Variants in DPH6 observed in about 807,000 individuals in gnomAD.
The protein encoded by DPH6 is diphthine--ammonia ligase.
A neutral mutation model predicts 38.2 loss-of-function variants in DPH6; 33 were observed. The ratio of observed to expected loss-of-function variants is 0.86; its 90% CI spans 0.65 to 1.15. The LOEUF (loss-of-function observed/expected upper bound fraction) is 1.15, where lower values mean the gene tolerates loss of function less well. Ranked by LOEUF, DPH6 falls within the 50% of genes most tolerant of loss-of-function variation. The probability of loss-of-function intolerance (pLI) is 0.00; values close to 1 mark genes in which losing one functional copy is unlikely to be tolerated. For missense variants in DPH6, 325 were observed against 320.0 expected (o/e 1.02, Z -0.12); for synonymous variants, 108 against 103.0 (o/e 1.05, Z -0.30).
chr15:35,435,410 G>A (rs574902823), intron 5 of DPH6, among the ~76,000 whole-genome samples: 7 of 152,342 alleles, frequency 4.6e-5, no homozygotes, highest in African/African-American at 1.4e-4. Context: ...GATAGATGCA[G>A]GAGGCAGAAA....
intron 3 of DPH6, among the ~76,000 whole-genome samples, chr15:35,230,893 C>G (rs2051512495): frequency 6.6e-6 from 1 of 152,206 alleles, no homozygotes; most frequent in Admixed American, 6.5e-5. Flanking sequence ...AAATAATGTC[C>G]TCCCCACTTT....
At chr15:35,173,654 G>A in the DPH6 span, among the ~76,000 whole-genome samples, 1 of 151,702 alleles carries the variant, frequency 6.6e-6, no homozygotes, top group Non-Finnish European at 1.5e-5. Flanking sequence ...AGTCTGTCCT[G>A]TATCTACTTC....
At chr15:35,332,181 AT>A (rs2140862817) in intron 3 of DPH6, among the ~76,000 whole-genome samples, 1 of 152,326 alleles carries the variant, frequency 6.6e-6, no homozygotes, top group African/African-American at 2.4e-5. Context: ...ATATCAGAAA[AT>A]AATTTATAAA....
intron 3 of DPH6, among the ~76,000 whole-genome samples, chr15:35,292,576 A>G (rs2051987326): frequency 6.6e-6 from 1 of 152,170 alleles, no homozygotes; most frequent in Non-Finnish European, 1.5e-5. Flanking sequence ...CCTTCATGAC[A>G]TGGAAGTAGG....
intron 3 of DPH6, among the ~76,000 whole-genome samples, chr15:35,526,456 C>T (rs753202652): frequency 3.3e-5 from 5 of 152,118 alleles, no homozygotes; most frequent in Non-Finnish European, 7.4e-5. Context: ...AATTGCTCAT[C>T]GAGCACCCAC....
At chr15:35,540,394 TAA>T (rs1436922470) in intron 2 of DPH6, among the ~76,000 whole-genome samples, 4 of 152,088 alleles carry the variant, frequency 2.6e-5, no homozygotes, top group African/African-American at 7.2e-5. Context: ...TGAAAACCCG[TAA>T]CTTTGCTGGA....
At chr15:35,366,039 GTCA>G (rs1364969211), downstream of DPH6, 5 of 981,126 alleles carry the variant, frequency 5.1e-6, no homozygotes, top group Non-Finnish European at 6.1e-6. Flanking sequence ...GCAAATAAAA[GTCA>G]TCATTTATCT....
chr15:35,387,323 G>A (rs1483231442), intron 6 of DPH6, among the ~76,000 whole-genome samples: 10 of 152,038 alleles, frequency 6.6e-5, no homozygotes, highest in African/African-American at 1.4e-4. Flanking sequence ...TTGGCAATGC[G>A]GGCTCTTTTT....
intron 1 of DPH6, among the ~76,000 whole-genome samples, chr15:35,542,945 A>ATATATATATATATATATAT (rs2055279056): frequency 1.3e-4 from 4 of 30,226 alleles, no homozygotes; most frequent in African/African-American, 3.3e-4. Flanking sequence ...CCACTTAAGG[A>ATATATATATATATATATAT]ATATATATAT....
In DPH6 at chr15:35,281,103, C is replaced by G. The variant is rs550622356; in HGVS notation, n.201-60521G>C. Among the ~76,000 whole-genome samples the G allele has an allele frequency of 6.6e-5, 10 of 152,028 alleles. No homozygotes were observed. In the South Asian group the frequency reaches 1.5e-3, roughly 22 times the overall value. ...ATATCTCCTAATGCTATCTCTCCCC[C>G]CTCCCCCCACAAATATGATATTAAA... On this transcript the variant is annotated intron_variant and non_coding_transcript_variant, in intron 3 of 3. Coordinates refer to the DPH6 transcript ENST00000560386.
At chr15:35,316,254 G>A (rs1332336911) in intron 3 of DPH6, among the ~76,000 whole-genome samples, 2 of 152,076 alleles carry the variant, frequency 1.3e-5, no homozygotes, top group African/African-American at 4.8e-5. Flanking sequence ...ATACTGATTT[G>A]ATCTCTACAA....
chr15:35,378,263 A>C (rs912164880), intron 7 of DPH6, among the ~76,000 whole-genome samples: 5 of 152,228 alleles, frequency 3.3e-5, no homozygotes, highest in Non-Finnish European at 2.9e-5. Context: ...AATGCAAATC[A>C]AAACCACAAT....
intron 3 of DPH6, among the ~76,000 whole-genome samples, chr15:35,277,110 G>C (rs1205328024): frequency 6.6e-6 from 1 of 152,194 alleles, no homozygotes; most frequent in African/African-American, 2.4e-5. Flanking sequence ...TCTTTCAGCA[G>C]TGTTTTGTAG....
chr15:35,512,849 T>A (rs748339246), intron 3 of DPH6, among the ~76,000 whole-genome samples: 3 of 152,138 alleles, frequency 2.0e-5, no homozygotes, highest in Non-Finnish European at 4.4e-5. Context: ...TTTGATCCAT[T>A]AATTCTGCAT....
intron 6 of DPH6, among the ~76,000 whole-genome samples, chr15:35,404,077 A>C (rs1451431552): frequency 2.0e-5 from 3 of 152,124 alleles, no homozygotes; most frequent in Non-Finnish European, 4.4e-5. Context: ...TAATGGCTGA[A>C]CAGTACTCCA....
At chr15:35,248,923 G>T (rs904072024) in intron 3 of DPH6, among the ~76,000 whole-genome samples, 5 of 152,142 alleles carry the variant, frequency 3.3e-5, no homozygotes, top group Non-Finnish European at 5.9e-5. Flanking sequence ...AATAATTAAA[G>T]TTTCATGCAT....
rs1197056592 is a variant in DPH6, at chr15:35,234,905, A to G, written n.201-14323T>C. ...TGTCCTATCAGGATGGAGTAAATCC[A>G]GAGGAAGTAGAATTGAGAGATAAAA... On this transcript the variant is annotated intron_variant and non_coding_transcript_variant, in intron 3 of 3. Transcript: ENST00000560386. Among the ~76,000 whole-genome samples the G allele has an allele frequency of 2.0e-5, 3 of 152,266 alleles. No individual in the cohort carries two copies. The East Asian group carries it at 5.8e-4, about 29-fold the overall frequency.
At chr15:35,294,271 T>C (rs545963129) in intron 3 of DPH6, among the ~76,000 whole-genome samples, 20 of 152,366 alleles carry the variant, frequency 1.3e-4, no homozygotes, top group Non-Finnish European at 2.4e-4. Flanking sequence ...ATTGTTTCCT[T>C]AGTTAGGACT....
downstream of DPH6, among the ~76,000 whole-genome samples, chr15:35,214,819 G>A (rs1413382006): frequency 6.6e-6 from 1 of 152,144 alleles, no homozygotes; most frequent in East Asian, 1.9e-4. Context: ...TGTTGGCCAG[G>A]CTTGTCTCGA....
Sources: allele counts gnomAD v4.1 joint callset (sites outside exome capture counted in the v4.1 genomes callset), GRCh38; gene constraint gnomAD v4.1.1; transcripts MANE v1.5; gene names NCBI Gene and HGNC (gene_info 2026-07-23, HGNC 2026-07-21).